ZFPM2: variants seen among roughly 807,000 people sequenced by gnomAD.
ZFPM2 encodes the protein zinc finger protein, FOG family member 2.
Under a neutral mutation model 98.6 loss-of-function variants are expected in ZFPM2, and 20 were observed. That is an observed-to-expected ratio of 0.20 (90% CI 0.14 to 0.29). The LOEUF is 0.29. Among genes scored for constraint, ZFPM2 ranks in the 10% least tolerant of loss-of-function variants. The pLI, the probability that ZFPM2 is intolerant of heterozygous loss-of-function variation, is 1.00. For missense variants in ZFPM2, 1,310 were observed against 1,388.6 expected, an observed-to-expected ratio of 0.94 and a Z score of 0.90; for synonymous variants, 518 against 502.7, an observed-to-expected ratio of 1.03 and a Z score of -0.41.
chr8:105,594,697 T>G (rs1815930684), intron 4 of ZFPM2, among the ~76,000 whole-genome samples: 2 of 152,110 alleles, frequency 1.3e-5, no homozygotes, highest in African/African-American at 2.4e-5. Context: ...CAGATATGAC[T>G]TCAAAACTCT....
chr8:105,336,794 T>C (rs1812335621), intron 1 of ZFPM2, among the ~76,000 whole-genome samples: 1 of 151,562 alleles, frequency 6.6e-6, no homozygotes, highest in South Asian at 2.1e-4. Context: ...TAGATATAGA[T>C]GTATAGATAT....
intron 2 of ZFPM2, among the ~76,000 whole-genome samples, chr8:105,441,906 C>A (rs74420331): frequency 0.016 from 2,446 of 152,220 alleles, 59 homozygotes; most frequent in African/African-American, 0.056. Context: ...TAGTTCAGGG[C>A]TAGCGTCTAT....
chr8:105,670,411 G>C (rs1303679625), intron 5 of ZFPM2, among the ~76,000 whole-genome samples: 1 of 145,770 alleles, frequency 6.9e-6, no homozygotes, highest in Non-Finnish European at 1.5e-5. Flanking sequence ...CAGGAGAATG[G>C]CATGAACCCG....
At chr8:105,606,889 G>T (rs1411777414) in intron 4 of ZFPM2, among the ~76,000 whole-genome samples, 3 of 152,034 alleles carry the variant, frequency 2.0e-5, no homozygotes, top group Non-Finnish European at 2.9e-5. Context: ...TCCACAATTT[G>T]TTTGTTTGTT....
At chr8:105,568,792 A>G (rs1815295097) in intron 4 of ZFPM2, among the ~76,000 whole-genome samples, 1 of 152,138 alleles carries the variant, frequency 6.6e-6, no homozygotes, top group Non-Finnish European at 1.5e-5. Flanking sequence ...AGGTTTTGGT[A>G]AAGCCTAAAA....
At chr8:105,484,423 G>A (rs1813187925) in intron 3 of ZFPM2, among the ~76,000 whole-genome samples, 1 of 151,438 alleles carries the variant, frequency 6.6e-6, no homozygotes, top group South Asian at 2.1e-4. Context: ...TTTTCTAATT[G>A]GACTTCAGTT....
At chr8:105,536,710 G>A (rs1172653109) in intron 3 of ZFPM2, among the ~76,000 whole-genome samples, 1 of 152,166 alleles carries the variant, frequency 6.6e-6, no homozygotes, top group Non-Finnish European at 1.5e-5. Context: ...CATGATGAGT[G>A]CTAGGGAGAC....
intron 5 of ZFPM2, among the ~76,000 whole-genome samples, chr8:105,684,596 TAA>T (rs1375123105): frequency 7.9e-5 from 12 of 152,118 alleles, no homozygotes; most frequent in Non-Finnish European, 1.5e-4. Context: ...AAACCAAAGC[TAA>T]TTCCAAACAA....
chr8:105,467,196 A>C (rs1207970623), intron 3 of ZFPM2, among the ~76,000 whole-genome samples: 3 of 152,126 alleles, frequency 2.0e-5, no homozygotes, highest in Non-Finnish European at 2.9e-5. Context: ...TGAGCCCCAC[A>C]ATTCCTAAAT....
At chr8:105,344,507 A>G (rs142774155) in intron 1 of ZFPM2, among the ~76,000 whole-genome samples, 397 of 152,260 alleles carry the variant, frequency 2.6e-3, no homozygotes, top group African/African-American at 9.0e-3. Context: ...GATTTTTAAC[A>G]TTTGTAATTT....
chr8:105,354,825 G>A (rs775417606), intron 1 of ZFPM2, among the ~76,000 whole-genome samples: 4 of 152,030 alleles, frequency 2.6e-5, no homozygotes, highest in African/African-American at 9.7e-5. Flanking sequence ...ATGGTGGCAC[G>A]CACCTGTGGT....
At chr8:105,452,902 C>T (rs1489635547) in intron 3 of ZFPM2, among the ~76,000 whole-genome samples, 1 of 152,140 alleles carries the variant, frequency 6.6e-6, no homozygotes. Context: ...TAAATTGACT[C>T]TCGTATCTGG....
intron 4 of ZFPM2, among the ~76,000 whole-genome samples, chr8:105,628,169 A>G (rs1339625694): frequency 6.6e-6 from 1 of 152,140 alleles, no homozygotes; most frequent in East Asian, 1.9e-4. Context: ...AGTTCAGAAC[A>G]CTTAAGTGGT....
intron 3 of ZFPM2, among the ~76,000 whole-genome samples, chr8:105,545,556 A>G (rs984148909): frequency 2.0e-4 from 30 of 152,174 alleles, no homozygotes; most frequent in Middle Eastern, 3.2e-3. Flanking sequence ...AAAAATTAAG[A>G]TTGTGCTAAT....
Position 105,601,288 on chromosome 8 carries a change from G to A in ZFPM2, c.421-32958G>A, listed in dbSNP as rs191011537. Reference sequence around the variant, plus strand: ...ATGAAAACACCAAGCCCAGTAGCTGGCACATGGTAGGGCCTGCAGATGGCA... The same window carrying A: ...ATGAAAACACCAAGCCCAGTAGCTGACACATGGTAGGGCCTGCAGATGGCA... On this transcript the variant is annotated intron_variant, in intron 4 of 7. Transcript: ENST00000407775. Among the ~76,000 whole-genome samples the A allele has an allele frequency of 3.2e-3, 489 of 152,192 alleles. 3 individuals are homozygous for A. Among genetic ancestry groups the A allele is most frequent in the Non-Finnish European group, 4.3e-3 (292 of 68,000 alleles).
chr8:105,426,282 A>G (rs887567572), intron 2 of ZFPM2, among the ~76,000 whole-genome samples: 1 of 152,212 alleles, frequency 6.6e-6, no homozygotes, highest in Admixed American at 6.5e-5. Flanking sequence ...GGAATAAAAA[A>G]GAAAAGCCAA....
At chr8:105,577,725 C>A (rs1048717194) in intron 4 of ZFPM2, among the ~76,000 whole-genome samples, 1 of 148,180 alleles carries the variant, frequency 6.7e-6, no homozygotes, top group African/African-American at 2.5e-5. Flanking sequence ...CCACATAGAG[C>A]GTTATAAAAA....
intron 4 of ZFPM2, among the ~76,000 whole-genome samples, chr8:105,567,398 C>T (rs1293310276): frequency 2.0e-5 from 3 of 152,186 alleles, no homozygotes; most frequent in Non-Finnish European, 4.4e-5. Flanking sequence ...GGTGGACTAA[C>T]ACCTCCGCTT....
intron 5 of ZFPM2, among the ~76,000 whole-genome samples, chr8:105,704,382 C>T (rs16873535): frequency 0.17 from 26,273 of 152,042 alleles, 2,456 homozygotes; most frequent in South Asian, 0.29. Context: ...TGGCCTCTTC[C>T]GTGGCTAGAG....
Sources: allele counts gnomAD v4.1 joint callset (sites outside exome capture counted in the v4.1 genomes callset), GRCh38; gene constraint gnomAD v4.1.1; transcripts MANE v1.5; gene names NCBI Gene and HGNC (gene_info 2026-07-23, HGNC 2026-07-21).